The following KCNB2 variants were observed in gnomAD, a reference collection of about 807,000 sequenced individuals.
KCNB2 encodes the protein potassium voltage-gated channel subfamily B member 2, also known as delayed rectifier potassium channel protein.
KCNB2 carries 15 observed loss-of-function variants against 61.5 expected under a neutral mutation model. The ratio of observed to expected loss-of-function variants is 0.24; its 90% CI spans 0.16 to 0.38. The LOEUF (loss-of-function observed/expected upper bound fraction) is 0.38. Among genes scored for constraint, KCNB2 ranks in the 10% least tolerant of loss-of-function variants. KCNB2 has a pLI of 1.00. For synonymous variants in KCNB2, 457 were observed against 446.0 expected, an observed-to-expected ratio of 1.02 and a Z score of -0.31; for missense variants, 828 against 1,125.2, an observed-to-expected ratio of 0.74 and a Z score of 3.78.
At chr8:72,717,019 A>G (rs1301806019) in intron 2 of KCNB2, among the ~76,000 whole-genome samples, 24 of 151,868 alleles carry the variant, frequency 1.6e-4, no homozygotes, top group Admixed American at 2.6e-4. Context: ...TACACCAATA[A>G]CAGACAAACA....
chr8:72,565,508 G>A (rs959833939), intron 1 of KCNB2, among the ~76,000 whole-genome samples: 15 of 152,052 alleles, frequency 9.9e-5, no homozygotes, highest in Non-Finnish European at 2.1e-4. Context: ...ATGATTTTCT[G>A]CAAAAACATT....
At chr8:72,715,076 A>G (rs1451442814) in intron 2 of KCNB2, among the ~76,000 whole-genome samples, 2 of 152,226 alleles carry the variant, frequency 1.3e-5, no homozygotes, top group Admixed American at 6.5e-5. Context: ...GCCATTACAT[A>G]ATGGTAAAGG....
chr8:72,897,929 T>C (rs1806019310), intron 2 of KCNB2, among the ~76,000 whole-genome samples: 1 of 152,122 alleles, frequency 6.6e-6, no homozygotes. Flanking sequence ...ACAGACCCTC[T>C]TGGAGGGACA....
intron 2 of KCNB2, among the ~76,000 whole-genome samples, chr8:72,753,231 G>C (rs187560953): frequency 3.8e-3 from 581 of 152,218 alleles, no homozygotes; most frequent in Non-Finnish European, 6.0e-3. Flanking sequence ...TTCATTCATT[G>C]TTTCCTTTGA....
intron 2 of KCNB2, among the ~76,000 whole-genome samples, chr8:72,743,196 A>G (rs1238672601): frequency 6.6e-6 from 1 of 152,246 alleles, no homozygotes; most frequent in Admixed American, 6.5e-5. Context: ...GCAGCTAAAC[A>G]TTCTGAAAGA....
intron 2 of KCNB2, among the ~76,000 whole-genome samples, chr8:72,742,443 T>C (rs1353397382): frequency 6.6e-6 from 1 of 152,174 alleles, no homozygotes; most frequent in African/African-American, 2.4e-5. Flanking sequence ...ATTAAGACTT[T>C]ACACCCATGG....
At chr8:72,595,731 T>C (rs1807179311) in intron 2 of KCNB2, among the ~76,000 whole-genome samples, 1 of 152,200 alleles carries the variant, frequency 6.6e-6, no homozygotes, top group Non-Finnish European at 1.5e-5. Flanking sequence ...CATAACACCC[T>C]GTATTCCCGT....
At chr8:72,906,287 C>T (rs1358305371) in intron 2 of KCNB2, among the ~76,000 whole-genome samples, 2 of 152,140 alleles carry the variant, frequency 1.3e-5, no homozygotes, top group East Asian at 3.9e-4. Context: ...ATCTAAAACT[C>T]CTATTTTAAG....
intron 1 of KCNB2, among the ~76,000 whole-genome samples, chr8:72,555,490 A>G (rs1158368553): frequency 6.6e-6 from 1 of 151,880 alleles, no homozygotes; most frequent in Non-Finnish European, 1.5e-5. Flanking sequence ...CTTATTTTAC[A>G]CCGACATGTT....
chr8:72,767,036 A>G (rs1978905), intron 2 of KCNB2, among the ~76,000 whole-genome samples: 82,481 of 151,844 alleles, frequency 0.54, 24,059 homozygotes, highest in African/African-American at 0.76. Flanking sequence ...ATCAGATCTC[A>G]TGAGACTTAT....
rs1187550622 is a variant in KCNB2, at chr8:72,859,707, G to GT, written c.580-76199dup. Among the ~76,000 whole-genome samples, 31 of 42,006 alleles carry GT rather than the reference G, an allele frequency of 7.4e-4. 2 individuals carry two copies. The highest frequency in any genetic ancestry group is 5.2e-3 in the East Asian group (9 of 1,718). The allele number at this position is 42,006 out of a possible 152,430, so 27.6% of individuals were successfully genotyped here. A position where few individuals can be genotyped will look rare whatever the true frequency, so the allele number is the denominator to read the frequency against. ...GTAGCATGGATCAGTACTTCATTTC[G>GT]TTTTTTTTTTTTTTTTTTTTTTTTT... On this transcript the variant is annotated intron_variant, in intron 2 of 2. Coordinates refer to ENST00000523207, the MANE Select transcript of KCNB2 (RefSeq NM_004770.3).
At chr8:72,786,842 G>T (rs1808852392) in intron 2 of KCNB2, among the ~76,000 whole-genome samples, 1 of 152,096 alleles carries the variant, frequency 6.6e-6, no homozygotes, top group Non-Finnish European at 1.5e-5. Context: ...GACTCTTAAG[G>T]AAGAACAGAC....
At chr8:72,561,997 C>T (rs1806544341) in intron 1 of KCNB2, among the ~76,000 whole-genome samples, 1 of 151,190 alleles carries the variant, frequency 6.6e-6, no homozygotes, top group Admixed American at 6.6e-5. Context: ...ATAGTTTCTA[C>T]AGAAACTTAC....
chr8:72,559,924 A>G (rs1216337455), intron 1 of KCNB2, among the ~76,000 whole-genome samples: 1 of 152,200 alleles, frequency 6.6e-6, no homozygotes, highest in African/African-American at 2.4e-5. Context: ...ATGCGACCTC[A>G]GTTTTAAAAG....
chr8:72,694,759 G>C (rs1384930505), intron 2 of KCNB2, among the ~76,000 whole-genome samples: 1 of 151,706 alleles, frequency 6.6e-6, no homozygotes, highest in Non-Finnish European at 1.5e-5. Flanking sequence ...AAGTTTTAGA[G>C]CATCTGTATG....
intron 2 of KCNB2, among the ~76,000 whole-genome samples, chr8:72,722,795 AC>A (rs36025971): frequency 0.47 from 72,146 of 151,998 alleles, 17,814 homozygotes; most frequent in Non-Finnish European, 0.56. Flanking sequence ...AAAATCAACT[AC>A]ATTAAATACA....
At chr8:72,640,384 A>G (rs1806035423) in intron 2 of KCNB2, among the ~76,000 whole-genome samples, 1 of 151,276 alleles carries the variant, frequency 6.6e-6, no homozygotes, top group Non-Finnish European at 1.5e-5. Flanking sequence ...TTTTGCTGGT[A>G]TTTTTTTTTC....
At position 72,872,111 on chromosome 8, in the gene KCNB2, T is replaced by C. The variant is rs567115980; in HGVS notation, c.580-63824T>C. Among the ~76,000 whole-genome samples, 399 of 152,326 alleles carry C rather than the reference T, an allele frequency of 2.6e-3. 4 individuals carry two copies. The highest frequency in any genetic ancestry group is 9.0e-3 in the African/African-American group (375 of 41,570). ...TGTGAAATCTTAAGCAGCTTGTCAG[T>C]TTCACACAGCCTGTTGAATCCTTGA... On this transcript the variant is annotated intron_variant, in intron 2 of 2. Transcript: ENST00000523207.
rs1585856660 is a variant in KCNB2, at chr8:72,728,085, T to C, written c.579+159772T>C. On this transcript the variant is annotated intron_variant, in intron 2 of 2. Transcript: ENST00000523207. Reference sequence around the variant, plus strand: ...TGTAATTGTCCTGTTACCTGAACCATGTTGCAGTTATGAAACCTTGCAGAA... The same window carrying C: ...TGTAATTGTCCTGTTACCTGAACCACGTTGCAGTTATGAAACCTTGCAGAA... Among the ~76,000 whole-genome samples the C allele has an allele frequency of 2.0e-5, 3 of 152,206 alleles. 1 individual carries two copies. The highest frequency in any genetic ancestry group is 4.1e-4 in the South Asian group (2 of 4,834).
Sources: allele counts gnomAD v4.1 joint callset (sites outside exome capture counted in the v4.1 genomes callset), GRCh38; gene constraint gnomAD v4.1.1; transcripts MANE v1.5; gene names NCBI Gene and HGNC (gene_info 2026-07-23, HGNC 2026-07-21).